Variants in RBM20 observed in about 807,000 individuals in gnomAD.
The protein encoded by RBM20 is RNA-binding protein 20.
Under a neutral mutation model 110.1 loss-of-function variants are expected in RBM20, and 51 were observed. The ratio of observed to expected loss-of-function variants is 0.46; its 90% CI spans 0.37 to 0.59. RBM20 has a LOEUF of 0.59. Among genes scored for constraint, RBM20 ranks in the 20% least tolerant of loss-of-function variants. The pLI is 0.00. For missense variants in RBM20, 1,512 were observed against 1,574.9 expected (o/e 0.96, Z 0.68); for synonymous variants, 589 against 618.2 (o/e 0.95, Z 0.70).
Position 110,709,140 on chromosome 10 carries a change from A to G in RBM20, c.191+64495A>G, listed in dbSNP as rs78871627. On this transcript the variant is annotated intron_variant, in intron 1 of 13. Transcript: ENST00000369519. ...GTTGCCTTTGAACCAGGACAGAGCT[A>G]TCCTGATGCAGGGTCAGGTTCAATG... is the stretch of plus-strand genomic sequence containing the variant. 3.3e-4 allele frequency among the ~76,000 whole-genome samples: 50 copies of G among 152,336 alleles called. No homozygotes were observed. In the East Asian group the frequency reaches 9.1e-3, roughly 28 times the overall value.
intron 1 of RBM20, among the ~76,000 whole-genome samples, chr10:110,747,435 G>T (rs1290148690): frequency 6.6e-6 from 1 of 152,146 alleles, no homozygotes. Context: ...TGGAGCCAAG[G>T]ATGGGGAGAG....
chr10:110,753,844 C>A (rs1407615784), intron 1 of RBM20, among the ~76,000 whole-genome samples: 2 of 152,190 alleles, frequency 1.3e-5, no homozygotes, highest in Non-Finnish European at 2.9e-5. Flanking sequence ...TGATTCATGG[C>A]CCCCTTCTCC....
chr10:110,781,287 A>T lies in RBM20; in HGVS notation c.678A>T (p.Ala226=). ...AGACTGGGCCTGCTCCAGCTACAGCAGGATTCTATGAGTATGGCAAAGCCA... is the reference window on the plus strand; with the variant it reads ...AGACTGGGCCTGCTCCAGCTACAGCTGGATTCTATGAGTATGGCAAAGCCA... ...IGKTGPAPAT[A]GFYEYGKASS... The change falls in exon 2 of 14, where the codon GCA becomes GCT. Residue 226 remains alanine (A), a synonymous_variant. Coordinates refer to ENST00000369519, the MANE Select transcript of RBM20 (RefSeq NM_001134363.3). The T allele has an allele frequency of 6.4e-7, 1 of 1,551,728 alleles. No individual in the cohort carries two copies. Among genetic ancestry groups the T allele is most frequent in the Non-Finnish European group, 8.7e-7 (1 of 1,147,002 alleles).
chr10:110,800,234 C>A (rs1007953565), intron 7 of RBM20, among the ~76,000 whole-genome samples: 6 of 152,168 alleles, frequency 3.9e-5, no homozygotes, highest in African/African-American at 1.4e-4. Flanking sequence ...AGGCATAAAC[C>A]CTTGAATACA....
intron 7 of RBM20, among the ~76,000 whole-genome samples, chr10:110,803,812 CAAAAAAAAAA>C (rs58202648): frequency 1.4e-4 from 8 of 57,186 alleles, no homozygotes; most frequent in African/African-American, 4.3e-4. Flanking sequence ...TTGGCTTAAG[CAAAAAAAAAA>C]AAAAAAAAAA....
At chr10:110,674,499 A>G (rs1368517469) in intron 1 of RBM20, among the ~76,000 whole-genome samples, 2 of 152,210 alleles carry the variant, frequency 1.3e-5, no homozygotes, top group East Asian at 1.9e-4. Flanking sequence ...CTTGAATTAC[A>G]TAACCTGTAG....
Position 110,831,101 on chromosome 10 carries a change from G to A in RBM20, c.3492G>A (p.Lys1164=), listed in dbSNP as rs1320944657. Residue 1164 remains lysine (K), a synonymous_variant, in exon 13 of 14, where the codon AAG becomes AAA. Coordinates refer to ENST00000369519, the MANE Select transcript of RBM20 (RefSeq NM_001134363.3). ...TTCCCAGGACTGGCTTTTATTGCAAGCTGTGTGGGCTGTTCTACACGAGCG... is the reference window on the plus strand; with the variant it reads ...TTCCCAGGACTGGCTTTTATTGCAAACTGTGTGGGCTGTTCTACACGAGCG... ...FVVPRTGFYC[K]LCGLFYTSEE... is the part of the protein sequence containing the mutation. The A allele has an allele frequency of 1.5e-5, 23 of 1,551,538 alleles. No homozygotes were observed. Among genetic ancestry groups the A allele is most frequent in the Non-Finnish European group, 1.7e-5 (20 of 1,146,872 alleles).
chr10:110,663,534 G>A (rs1279842181), intron 1 of RBM20, among the ~76,000 whole-genome samples: 2 of 152,208 alleles, frequency 1.3e-5, no homozygotes, highest in Non-Finnish European at 2.9e-5. Context: ...TGTATGTGTA[G>A]GTAGGAAATG....
intron 1 of RBM20, among the ~76,000 whole-genome samples, chr10:110,725,334 C>G (rs1435378438): frequency 6.6e-6 from 1 of 152,164 alleles, no homozygotes; most frequent in Non-Finnish European, 1.5e-5. Flanking sequence ...ATCCTGAAAC[C>G]CATCCATGGA....
chr10:110,826,373 A>G (rs985128540), intron 12 of RBM20, among the ~76,000 whole-genome samples: 1 of 152,152 alleles, frequency 6.6e-6, no homozygotes, highest in Non-Finnish European at 1.5e-5. Context: ...ATCATATCCC[A>G]AATTTCCTGT....
chr10:110,715,364 C>T (rs556297795), intron 1 of RBM20, among the ~76,000 whole-genome samples: 1 of 152,338 alleles, frequency 6.6e-6, no homozygotes, highest in East Asian at 1.9e-4. Flanking sequence ...TGAATGTTTC[C>T]ATCTTGTGTC....
rs146195560 is a variant in RBM20 at position 110,658,454 on chromosome 10, T to C, written c.191+13809T>C. Among the ~76,000 whole-genome samples, 282 of 152,290 alleles carry C rather than the reference T, an allele frequency of 1.9e-3. 1 individual carries two copies. Among genetic ancestry groups the C allele is most frequent in the African/African-American group, 6.5e-3 (269 of 41,552 alleles). ...TAGGGACTAAGTAACTAGGAGTAGCTCAGGGTCACCTAGCCAATGATCGGA... is the reference window on the plus strand; with the variant it reads ...TAGGGACTAAGTAACTAGGAGTAGCCCAGGGTCACCTAGCCAATGATCGGA... On this transcript the variant is annotated intron_variant, in intron 1 of 13. Transcript: ENST00000369519.
chr10:110,663,133 T>A (rs1862130004), intron 1 of RBM20, among the ~76,000 whole-genome samples: 1 of 151,904 alleles, frequency 6.6e-6, no homozygotes, highest in Non-Finnish European at 1.5e-5. Flanking sequence ...CCCAGCTAAT[T>A]TTTTTGTATT....
chr10:110,682,407 G>A (rs1257608548), intron 1 of RBM20, among the ~76,000 whole-genome samples: 3 of 152,204 alleles, frequency 2.0e-5, no homozygotes, highest in African/African-American at 4.8e-5. Flanking sequence ...AAGAGTTTTC[G>A]CTTTGCAGGC....
At position 110,784,343 on chromosome 10, in the gene RBM20, C is replaced by T. The variant is rs777519766; in HGVS notation, c.1340C>T (p.Ala447Val). Residue 447 changes from alanine (A) to valine (V), a missense_variant and splice_region_variant, in exon 4 of 14, where the codon GCT (alanine) becomes GTT (valine). Around this residue, in one of 3 missense-constraint regions of RBM20, gnomAD observed 1,149 missense variants for 1,169.4 expected, o/e 0.98. Coordinates refer to ENST00000369519, the MANE Select transcript of RBM20 (RefSeq NM_001134363.3). Reference sequence around the variant, plus strand: ...TTTCCCTTTCTCGCCCTCTCCAGTGCTGGCATCCGGTGTATACTTGGTTCG... The same window carrying T: ...TTTCCCTTTCTCGCCCTCTCCAGTGTTGGCATCCGGTGTATACTTGGTTCG... ...AQKCLVFSEN[A>V]GIRCILGSAE... The T allele has an allele frequency of 1.2e-5, 19 of 1,550,156 alleles. No homozygotes were observed. The highest frequency in any genetic ancestry group is 1.7e-5 in the Non-Finnish European group (19 of 1,146,064).
At position 110,821,829 on chromosome 10, in the gene RBM20, G is replaced by A. The variant is rs1298309441; in HGVS notation, c.3210G>A (p.Gly1070=). The A allele has an allele frequency of 6.4e-7, 1 of 1,551,746 alleles. No homozygotes were observed. Among genetic ancestry groups the A allele is most frequent in the Middle Eastern group, 1.7e-4 (1 of 5,992 alleles). ...TTGTGGATGATTGCAAGACCAGGGG[G>A]ACCCCCGAAGATGGGGCTTGTGAAG... ...SPFVDDCKTR[G]TPEDGACEGS... is the part of the protein sequence containing the mutation. Residue 1070 remains glycine (G), a synonymous_variant, in exon 11 of 14, where the codon GGG becomes GGA. Transcript: ENST00000369519.
At chr10:110,755,391 A>G (rs1321446200) in intron 1 of RBM20, among the ~76,000 whole-genome samples, 4 of 152,208 alleles carry the variant, frequency 2.6e-5, no homozygotes, top group Non-Finnish European at 5.9e-5. Flanking sequence ...TCAGCCTGGT[A>G]GGGATGTGCT....
At chr10:110,779,557 T>G (rs1203694009) in intron 1 of RBM20, among the ~76,000 whole-genome samples, 1 of 152,200 alleles carries the variant, frequency 6.6e-6, no homozygotes, top group Non-Finnish European at 1.5e-5. Flanking sequence ...TTACAGCCAG[T>G]TGGTCAGAAG....
chr10:110,708,056 A>C (rs1564821472), intron 1 of RBM20, among the ~76,000 whole-genome samples: 1 of 152,234 alleles, frequency 6.6e-6, no homozygotes, highest in Non-Finnish European at 1.5e-5. Context: ...AAACATATGA[A>C]GTAAACACTC....
Sources: allele counts gnomAD v4.1 joint callset (sites outside exome capture counted in the v4.1 genomes callset), GRCh38; gene constraint gnomAD v4.1.1; regional missense constraint gnomAD v4.1.1; transcripts MANE v1.5; gene names NCBI Gene and HGNC (gene_info 2026-07-23, HGNC 2026-07-21).